The following THOP1 variants were observed in gnomAD, a reference collection of about 807,000 sequenced individuals.
THOP1 encodes the protein thimet oligopeptidase.
THOP1 carries 49 observed loss-of-function variants against 71.8 expected under a neutral mutation model. That is an observed-to-expected ratio of 0.68 (90% CI 0.54 to 0.87). THOP1 has a LOEUF of 0.87. Ranked by LOEUF, THOP1 falls within the 40% of genes least tolerant of loss-of-function variation. The pLI, the probability that THOP1 is intolerant of heterozygous loss-of-function variation, is 0.00. For synonymous variants in THOP1, 426 were observed against 421.5 expected (o/e 1.01, Z -0.13); for missense variants, 843 against 975.6 (o/e 0.86, Z 1.81).
chr19:2,797,305 C>T (rs973975947), intron 4 of THOP1, among the ~76,000 whole-genome samples: 2 of 152,106 alleles, frequency 1.3e-5, no homozygotes, highest in East Asian at 1.9e-4. Flanking sequence ...TGTTTGCAGG[C>T]GAGCTGTTGG....
intron 2 of THOP1, among the ~76,000 whole-genome samples, chr19:2,793,826 A>G (rs1027805789): frequency 6.6e-6 from 1 of 151,988 alleles, no homozygotes; most frequent in Non-Finnish European, 1.5e-5. Flanking sequence ...GTCGTGTTCC[A>G]CTGGGCAGAG....
rs200615712 is a variant in THOP1 at position 2,807,083 on chromosome 19, C to A, written c.886+31C>A. The A allele has an allele frequency of 3.2e-4, 504 of 1,590,656 alleles. 5 individuals carry two copies. The highest frequency in any genetic ancestry group is 1.5e-3 in the Middle Eastern group (9 of 5,924). On this transcript the variant is annotated intron_variant, in intron 7 of 12. Transcript: ENST00000307741. ...CCTTCCTTCCTCCTCCACTGGGGTCCCTGTGGGGAAGGTTCTCAGGGTCAC... is the reference window on the plus strand; with the variant it reads ...CCTTCCTTCCTCCTCCACTGGGGTCACTGTGGGGAAGGTTCTCAGGGTCAC...
intron 1 of THOP1, among the ~76,000 whole-genome samples, chr19:2,788,747 G>A (rs562682210): frequency 2.1e-4 from 32 of 152,242 alleles, no homozygotes; most frequent in African/African-American, 7.7e-4. Context: ...CCAAAGTGTT[G>A]GGATTACAGG....
chr19:2,789,208 T>C lies in THOP1; in HGVS notation c.17-1213T>C, dbSNP rs556151709. ...GGTCCTCTGCAGAACTGTTTGCTGGTCCCCTGGGTCCTCTGCAGAACTGTT... is the reference window on the plus strand; with the variant it reads ...GGTCCTCTGCAGAACTGTTTGCTGGCCCCCTGGGTCCTCTGCAGAACTGTT... On this transcript the variant is annotated intron_variant, in intron 1 of 12. Transcript: ENST00000307741. Among the ~76,000 whole-genome samples, 4 of 151,660 alleles carry C rather than the reference T, an allele frequency of 2.6e-5. No homozygotes were observed. In the East Asian group the frequency reaches 7.8e-4, roughly 29 times the overall value.
In THOP1 at chr19:2,805,875, G is replaced by A. The variant is rs10408115; in HGVS notation, c.750+699G>A. ...GGGACGGGCGGGTGCCCATCACTGC[G>A]GGGGGACGGGCGGGTGCCCATCACT... On this transcript the variant is annotated intron_variant, in intron 6 of 12. Coordinates refer to ENST00000307741, the MANE Select transcript of THOP1 (RefSeq NM_003249.5). This position sits in a 1 kb window ranked among gnomAD's most constrained non-coding sequence, Gnocchi z 6.6. The A allele has an allele frequency of 2.6e-5, 3 of 116,678 alleles. No homozygotes were observed. Among genetic ancestry groups the A allele is most frequent in the East Asian group, 3.3e-4 (1 of 3,024 alleles). 7.2% of individuals were successfully genotyped at this position (116,678 alleles called of 1,614,324 possible). A position where few individuals can be genotyped will look rare whatever the true frequency, so the allele number is the denominator to read the frequency against.
chr19:2,795,973 C>A, intron 3 of THOP1, 108 bp from the exon 4 acceptor site: 1 of 781,086 alleles, frequency 1.3e-6, no homozygotes, highest in Non-Finnish European at 2.1e-6. Flanking sequence ...AGTGCAGTTG[C>A]CAAGTCACAC....
intron 5 of THOP1, among the ~76,000 whole-genome samples, chr19:2,802,660 G>A (rs886710582): frequency 2.6e-5 from 4 of 152,056 alleles, no homozygotes; most frequent in Non-Finnish European, 4.4e-5. Context: ...TGGAGGGGAC[G>A]CACCCAACCA....
chr19:2,810,011 G>C, intron 9 of THOP1: 1 of 481,364 alleles, frequency 2.1e-6, no homozygotes, highest in Non-Finnish European at 3.7e-6. Context: ...CCCTCGGGGT[G>C]CGGAGCTTTC....
chr19:2,790,612 G>C lies in THOP1; in HGVS notation c.208G>C (p.Asp70His). The C allele has an allele frequency of 6.4e-7, 1 of 1,573,310 alleles. No individual in the cohort carries two copies. The highest frequency in any genetic ancestry group is 8.6e-7 in the Non-Finnish European group (1 of 1,161,570). ...CGAGAGCACGCTCAAGGCGCTGGCC[G>C]ATGTGGAGGTCACCTACACAGGTAA... The part of the protein sequence containing the change: ...SYESTLKALA[D>H]VEVTYTVQRN... The change falls in exon 2 of 13, where the codon GAT (aspartate) becomes CAT (histidine). Residue 70 changes from aspartate (D) to histidine (H), a missense_variant. Coordinates refer to ENST00000307741, the MANE Select transcript of THOP1 (RefSeq NM_003249.5).
chr19:2,812,425 G>A, intron 12 of THOP1: 1 of 1,444,384 alleles, frequency 6.9e-7, no homozygotes, highest in Non-Finnish European at 9.1e-7. Context: ...TAGAGGTGCA[G>A]AGGCCAGGAC....
At chr19:2,793,777 C>T (rs898056046) in intron 2 of THOP1, among the ~76,000 whole-genome samples, 6 of 152,206 alleles carry the variant, frequency 3.9e-5, no homozygotes, top group South Asian at 4.1e-4. Flanking sequence ...GCATCCACAC[C>T]GCAGCCTGTT....
In THOP1 at chr19:2,810,321, C is replaced by T. The variant is rs1464161240; in HGVS notation, c.1473C>T (p.Phe491=). The change falls in exon 10 of 13, where the codon TTC becomes TTT. Residue 491 remains phenylalanine (F), a synonymous_variant. Transcript: ENST00000307741. The stretch of plus-strand genomic sequence containing the variant: ...CCCTGCAGGCGGAGTTCGCCATGTT[C>T]AGCGGGACCCACGTGGAGCGGGACT... ...QLCSQAEFAM[F]SGTHVERDFV... 6.2e-7 allele frequency: 1 copy of T among 1,611,478 alleles called. No homozygotes were observed. Among genetic ancestry groups the T allele is most frequent in the Non-Finnish European group, 8.5e-7 (1 of 1,179,642 alleles).
In THOP1 at chr19:2,801,622, A is replaced by G. The variant is rs556855951; in HGVS notation, c.589+1831A>G. ...TCCTTTTCTTCTGCTTACAACAGAA[A>G]ACCTAAGGCCATGTAGTTTATAAGA... On this transcript the variant is annotated intron_variant, in intron 5 of 12. Coordinates refer to ENST00000307741, the MANE Select transcript of THOP1 (RefSeq NM_003249.5). This position sits in a 1 kb window ranked among gnomAD's most constrained non-coding sequence, Gnocchi z 5.1. 1.3e-5 allele frequency among the ~76,000 whole-genome samples: 2 copies of G among 152,238 alleles called. No individual in the cohort carries two copies. Among genetic ancestry groups the G allele is most frequent in the South Asian group, 2.1e-4 (1 of 4,830 alleles).
chr19:2,797,206 A>G (rs1916037042), intron 4 of THOP1, among the ~76,000 whole-genome samples: 1 of 152,144 alleles, frequency 6.6e-6, no homozygotes, highest in Non-Finnish European at 1.5e-5. Flanking sequence ...GCTGCCCCTC[A>G]TCGGGTGCCT....
At chr19:2,789,271 G>GC (rs754512241) in intron 1 of THOP1, among the ~76,000 whole-genome samples, 1 of 152,160 alleles carries the variant, frequency 6.6e-6, no homozygotes, top group African/African-American at 2.4e-5. Flanking sequence ...CTGTTTGCTG[G>GC]CCCCCTGGGC....
chr19:2,795,990 C>A (rs1206616784), intron 3 of THOP1, 91 bp from the exon 4 acceptor site: 2 of 958,906 alleles, frequency 2.1e-6, no homozygotes, highest in African/African-American at 1.6e-5. Flanking sequence ...ACACGGGGGC[C>A]GGATGATCAG....
At chr19:2,806,603 C>A in intron 6 of THOP1, 1 of 393,464 alleles carries the variant, frequency 2.5e-6, no homozygotes, top group Non-Finnish European at 4.6e-6. Context: ...GAACCAAGGC[C>A]TGGACATGGA....
chr19:2,786,163 G>T (rs934159335), intron 1 of THOP1, among the ~76,000 whole-genome samples: 2 of 152,148 alleles, frequency 1.3e-5, no homozygotes, highest in African/African-American at 4.8e-5. Context: ...AGAAGCAAGT[G>T]TCCTGCCAAG....
chr19:2,792,365 A>G (rs1329302926), intron 2 of THOP1, among the ~76,000 whole-genome samples: 1 of 151,304 alleles, frequency 6.6e-6, no homozygotes, highest in Non-Finnish European at 1.5e-5. Flanking sequence ...AGGTCTTGCT[A>G]TATTGCCCAG....
Sources: gnomAD v4.1 joint callset for allele counts (sites outside exome capture counted in the v4.1 genomes callset) on GRCh38, gnomAD v4.1.1 for gene constraint, Gnocchi (gnomAD v3.1) non-coding constraint, MANE v1.5 for transcripts, NCBI Gene and HGNC (gene_info 2026-07-23, HGNC 2026-07-21) for gene names.